The following WNT10A variants were observed in gnomAD, a reference collection of about 807,000 sequenced individuals.
The protein encoded by WNT10A is Wnt family member 10A.
Under a neutral mutation model 36.1 loss-of-function variants are expected in WNT10A, and 37 were observed. The ratio of observed to expected loss-of-function variants is 1.02; its 90% CI spans 0.79 to 1.35. The LOEUF is 1.35. Among genes scored for constraint, WNT10A ranks in the 40% most tolerant of loss-of-function variants. WNT10A has a pLI of 0.00. For missense variants in WNT10A, 613 were observed against 601.4 expected, an observed-to-expected ratio of 1.02 and a Z score of -0.20; for synonymous variants, 255 against 254.1, an observed-to-expected ratio of 1.00 and a Z score of -0.03.
At chr2:218,886,861 C>A (rs1944584114) in intron 2 of WNT10A, among the ~76,000 whole-genome samples, 1 of 152,254 alleles carries the variant, frequency 6.6e-6, no homozygotes, top group African/African-American at 2.4e-5. Flanking sequence ...GCCTTGTCAC[C>A]TCTGCACGTG....
At chr2:218,878,130 G>A (rs189146002), upstream of WNT10A, among the ~76,000 whole-genome samples, 1,176 of 152,338 alleles carry the variant, frequency 7.7e-3, 13 homozygotes, top group African/African-American at 0.027. This position sits in a 1 kb window ranked among gnomAD's most constrained non-coding sequence, Gnocchi z 4.1. Flanking sequence ...TGGGCTGAGG[G>A]CCAGGGCCCA....
Position 218,890,016 on chromosome 2 carries a change from G to A in WNT10A, c.409G>A (p.Ala137Thr), listed in dbSNP as rs757175044. The A allele has an allele frequency of 6.2e-6, 10 of 1,613,558 alleles. No individual in the cohort carries two copies. The highest frequency in any genetic ancestry group is 7.6e-6 in the Non-Finnish European group (9 of 1,180,040). The change falls in exon 3 of 4, where the codon GCA becomes ACA. Residue 137 changes from alanine to threonine, a missense_variant. Coordinates refer to ENST00000258411, the MANE Select transcript of WNT10A (RefSeq NM_025216.3). ...AGAGAGCGCTTTTGCCTACGCCATC[G>A]CAGCAGCTGGCGTGGTGCACGCCGT... ...FRESAFAYAI[A>T]AAGVVHAVSN...
rs1575234729 is a variant in WNT10A at position 218,892,767 on chromosome 2, T to A, written c.757-7T>A. On this transcript the variant is annotated splice_region_variant and splice_polypyrimidine_tract_variant and intron_variant, in intron 3 of 3. Coordinates refer to ENST00000258411, the MANE Select transcript of WNT10A (RefSeq NM_025216.3). ...CGTGTCACCCCTCACGGTGCCTCCC[T>A]CCGCAGGCAGTGATGGAGAACATGC... 1.9e-6 allele frequency: 3 copies of A among 1,582,662 alleles called. No homozygotes were observed. In the East Asian group the frequency reaches 6.9e-5, roughly 37 times the overall value.
chr2:218,890,184 C>A lies in WNT10A; in HGVS notation c.577C>A (p.Pro193Thr). The change falls in exon 3 of 4, where the codon CCG becomes ACG. Residue 193 changes from proline (P) to threonine (T), a missense_variant. Pro to Thr is a conservative substitution (Grantham distance 38). Transcript: ENST00000258411. ...QRGKGLSHGV[P>T]EHPALPTASP... ...TGGTAAGGGCCTGAGCCATGGGGTC[C>A]CGGAACACCCAGCCCTGCCCACAGC... The A allele has an allele frequency of 6.2e-7, 1 of 1,614,104 alleles. No individual in the cohort carries two copies. Among genetic ancestry groups the A allele is most frequent in the Non-Finnish European group, 8.5e-7 (1 of 1,180,006 alleles).
upstream of WNT10A, among the ~76,000 whole-genome samples, chr2:218,876,268 A>G (rs377191944): frequency 3.9e-5 from 6 of 152,204 alleles, no homozygotes; most frequent in Non-Finnish European, 5.9e-5. Context: ...CCTGGGATTG[A>G]CAGCCTCTCT....
chr2:218,881,124 A>G lies in WNT10A; in HGVS notation c.113+16A>G. The G allele has an allele frequency of 6.3e-7, 1 of 1,579,780 alleles. No individual in the cohort carries two copies. Among genetic ancestry groups the G allele is most frequent in the South Asian group, 1.2e-5 (1 of 86,630 alleles). Reference sequence around the variant, plus strand: ...CCATGCCCAGGTGAGCCCTCACCTCATGCTCCGCCCTCCTAGAGAGTTGGG... The same window carrying G: ...CCATGCCCAGGTGAGCCCTCACCTCGTGCTCCGCCCTCCTAGAGAGTTGGG... On this transcript the variant is annotated intron_variant, in intron 1 of 3. Coordinates refer to ENST00000258411, the MANE Select transcript of WNT10A (RefSeq NM_025216.3).
At chr2:218,875,159 C>CCTTTTTT in the WNT10A span, among the ~76,000 whole-genome samples, 1 of 36,824 alleles carries the variant, frequency 2.7e-5, no homozygotes, top group Non-Finnish European at 6.1e-5. Context: ...GACTGACTTT[C>CCTTTTTT]TTTTTTTTTT....
Position 218,892,661 on chromosome 2 carries a change from T to G in WNT10A, c.757-113T>G, listed in dbSNP as rs536507692. ...GGTTGTGGGACCCTCGCTCCCGGCCTCAGCGTTTGCCTCTGTATAATGGGA... is the reference window on the plus strand; with the variant it reads ...GGTTGTGGGACCCTCGCTCCCGGCCGCAGCGTTTGCCTCTGTATAATGGGA... On this transcript the variant is annotated intron_variant, in intron 3 of 3. Coordinates refer to ENST00000258411, the MANE Select transcript of WNT10A (RefSeq NM_025216.3). 9.9e-5 allele frequency: 147 copies of G among 1,486,108 alleles called. No homozygotes were observed. The Middle Eastern group carries it at 4.0e-3, about 40-fold the overall frequency. The allele number at this position is 1,486,108 out of a possible 1,614,324, so 92.1% of individuals were successfully genotyped here.
chr2:218,878,542 T>G (rs184217720), upstream of WNT10A, among the ~76,000 whole-genome samples: 248 of 152,234 alleles, frequency 1.6e-3, 1 homozygote, highest in Non-Finnish European at 3.0e-3. This position sits in a 1 kb window ranked among gnomAD's most constrained non-coding sequence, Gnocchi z 4.1. Flanking sequence ...TCAGCAGCGT[T>G]TCCCAAAAGG....
chr2:218,874,683 C>G, the WNT10A span, among the ~76,000 whole-genome samples: 5 of 152,280 alleles, frequency 3.3e-5, no homozygotes, highest in African/African-American at 1.2e-4. Context: ...AACTTTCCTC[C>G]AGTCCAAATA....
In WNT10A at chr2:218,881,049, G is replaced by A. The variant is rs755581771; in HGVS notation, c.54G>A (p.Pro18=). ...PWLRLRPQPQ[P]RPALWVLLFF... ...TGCGGCTCCGACCCCAGCCCCAGCC[G>A]CGGCCAGCGCTCTGGGTGCTCCTGT... Residue 18 remains proline (P), a synonymous_variant, in exon 1 of 4, where the codon CCG becomes CCA. Coordinates refer to ENST00000258411, the MANE Select transcript of WNT10A (RefSeq NM_025216.3). 3.1e-6 allele frequency: 5 copies of A among 1,603,872 alleles called. No homozygotes were observed. Among genetic ancestry groups the A allele is most frequent in the Middle Eastern group, 1.7e-4 (1 of 6,046 alleles).
At chr2:218,877,931 C>T (rs550652335), upstream of WNT10A, among the ~76,000 whole-genome samples, 9 of 152,210 alleles carry the variant, frequency 5.9e-5, no homozygotes, top group East Asian at 1.3e-3. This position sits in a 1 kb window ranked among gnomAD's most constrained non-coding sequence, Gnocchi z 4.1. Context: ...CTGGACTGGG[C>T]TAGGCTGGGG....
chr2:218,892,624 T>A, intron 3 of WNT10A, 150 bp from the exon 4 acceptor site: 1 of 1,296,100 alleles, frequency 7.7e-7, no homozygotes, highest in Non-Finnish European at 1.0e-6. Flanking sequence ...ACAGAAGTTC[T>A]TCTGACTGCC....
In WNT10A at chr2:218,882,315, C is replaced by G; in HGVS notation, c.268C>G (p.Gln90Glu). Reference sequence around the variant, plus strand: ...GGCTGCCTCAGCCATACAGGGCATCCAGATCGCCATCCACGAATGCCAACA... The same window carrying G: ...GGCTGCCTCAGCCATACAGGGCATCGAGATCGCCATCCACGAATGCCAACA... Reference protein sequence around the residue: ...DVAASAIQGIQIAIHECQHQF... With the variant: ...DVAASAIQGIEIAIHECQHQF... The change falls in exon 2 of 4, where the codon CAG becomes GAG. Residue 90 changes from glutamine (Q) to glutamate (E), a missense_variant. Gln to Glu is a conservative substitution (Grantham distance 29). Transcript: ENST00000258411. 6.2e-7 allele frequency: 1 copy of G among 1,614,196 alleles called. No homozygotes were observed.
At chr2:218,882,450 C>G (rs1188565892) in intron 2 of WNT10A, 27 bp downstream of exon 2, 1 of 1,613,288 alleles carries the variant, frequency 6.2e-7, no homozygotes, top group African/African-American at 1.3e-5. Context: ...CCTGCCCCTG[C>G]CTGCCCCATC....
At chr2:218,875,380 T>C in the WNT10A span, among the ~76,000 whole-genome samples, 1 of 151,544 alleles carries the variant, frequency 6.6e-6, no homozygotes, top group African/African-American at 2.4e-5. Flanking sequence ...TTAGTAGAGA[T>C]GGGGTTTCAC....
chr2:218,888,290 G>A (rs1388595560), intron 2 of WNT10A, among the ~76,000 whole-genome samples: 1 of 152,348 alleles, frequency 6.6e-6, no homozygotes, highest in Middle Eastern at 3.4e-3. Flanking sequence ...TAGCTTGCAT[G>A]TCTGAGAATG....
Position 218,880,894 on chromosome 2 carries a change from C to A in WNT10A, c.-102C>A. On this transcript the variant is annotated 5_prime_UTR_variant, in exon 1 of 4. Transcript: ENST00000258411. The surrounding 1 kb of genome is among the most constrained non-coding windows in gnomAD (Gnocchi z 7.7). Reference sequence around the variant, plus strand: ...TGACCCGAGTCGGAGCTGTGTGTCGCAGCCGCCCCGACCCCCCGCCGATCA... The same window carrying A: ...TGACCCGAGTCGGAGCTGTGTGTCGAAGCCGCCCCGACCCCCCGCCGATCA... 3.6e-6 allele frequency: 5 copies of A among 1,381,686 alleles called. No homozygotes were observed. The South Asian group carries it at 6.1e-5, about 17-fold the overall frequency. The allele number at this position is 1,381,686 out of a possible 1,614,324, so 85.6% of individuals were successfully genotyped here. A position where few individuals can be genotyped will look rare whatever the true frequency, so the allele number is the denominator to read the frequency against.
chr2:218,879,294 C>T (rs527286752), upstream of WNT10A, among the ~76,000 whole-genome samples: 27 of 152,324 alleles, frequency 1.8e-4, no homozygotes, highest in African/African-American at 6.5e-4. Flanking sequence ...TTTTTTGTCT[C>T]TGAGCCCAGA....
Sources: allele counts gnomAD v4.1 joint callset (sites outside exome capture counted in the v4.1 genomes callset), GRCh38; gene constraint gnomAD v4.1.1; non-coding constraint Gnocchi (gnomAD v3.1); transcripts MANE v1.5; gene names NCBI Gene and HGNC (gene_info 2026-07-23, HGNC 2026-07-21).